Variants in LGALS16 observed in about 807,000 individuals in gnomAD.
The protein encoded by LGALS16 is galectin 16.
LGALS16 carries 15 observed loss-of-function variants against 13.2 expected under a neutral mutation model. That is an observed-to-expected ratio of 1.13 (90% CI 0.76 to 1.75). The LOEUF is 1.75. LGALS16 is among the 40% of genes most tolerant of loss of function. The probability of loss-of-function intolerance (pLI) is 0.00; values close to 1 mark genes in which losing one functional copy is unlikely to be tolerated. For synonymous variants in LGALS16, 66 were observed against 65.4 expected, an observed-to-expected ratio of 1.01 and a Z score of -0.05; for missense variants, 198 against 178.4, an observed-to-expected ratio of 1.11 and a Z score of -0.63.
chr19:39,659,212 G>A (rs777196889), intron 3 of LGALS16, among the ~76,000 whole-genome samples: 2 of 150,448 alleles, frequency 1.3e-5, no homozygotes, highest in African/African-American at 2.5e-5. Context: ...CGATTCTCTT[G>A]CCTTAGCCTC....
rs538420039 is a variant in LGALS16, at chr19:39,659,101, T to TC, written c.303+432dup. 7.3e-3 allele frequency among the ~76,000 whole-genome samples: 917 copies of TC among 125,310 alleles called. 4 individuals carry two copies. Among genetic ancestry groups the TC allele is most frequent in the Non-Finnish European group, 0.01 (597 of 58,874 alleles). 82.2% of individuals were successfully genotyped at this position (125,310 alleles called of 152,430 possible). A position where few individuals can be genotyped will look rare whatever the true frequency, so the allele number is the denominator to read the frequency against. On this transcript the variant is annotated intron_variant, in intron 3 of 3. Coordinates refer to ENST00000392051, the MANE Select transcript of LGALS16 (RefSeq NM_001190441.3). ...GCTCTCCTTCAGAGAGAATCCTTTT[T>TC]CTTTTTTTTTTTTTTTGAGACAGAG...
At chr19:39,659,571 G>A (rs764893349) in intron 3 of LGALS16, among the ~76,000 whole-genome samples, 8 of 152,116 alleles carry the variant, frequency 5.3e-5, no homozygotes, top group Non-Finnish European at 8.8e-5. Flanking sequence ...CATTGAAGTT[G>A]TTTCCAGTAT....
rs934153952 is a variant in LGALS16 at position 39,660,410 on chromosome 19, G to T, written c.319G>T (p.Glu107Ter). ...HNEYEVKVNG[E>*]YIYAFVHRIP... ...CCTCTTAAAGGTAAAGGTAAATGGT[G>T]AATACATTTATGCCTTTGTCCATCG... The change falls in exon 4 of 4, where the codon GAA (glutamate) becomes TAA (stop). Residue 107 changes from glutamate to a stop codon, truncating the protein, a stop_gained. Coordinates refer to ENST00000392051, the MANE Select transcript of LGALS16 (RefSeq NM_001190441.3). LOFTEE classifies it low-confidence loss of function (END_TRUNC). The T allele has an allele frequency of 3.2e-6, 5 of 1,540,424 alleles. No homozygotes were observed. The African/African-American group carries it at 5.5e-5, about 17-fold the overall frequency.
intron 3 of LGALS16, 59 bp downstream of exon 3, chr19:39,658,729 G>T: frequency 8.8e-7 from 1 of 1,139,656 alleles, no homozygotes; most frequent in Non-Finnish European, 1.3e-6. Context: ...GCAGGAGTCA[G>T]CTCTCATTGA....
chr19:39,658,001 G>T, intron 2 of LGALS16, 42 bp downstream of exon 2: 2 of 1,606,030 alleles, frequency 1.2e-6, no homozygotes, highest in Non-Finnish European at 1.7e-6. Context: ...GAGGAGAAAG[G>T]AGAATATTTG....
At chr19:39,659,811 T>G (rs1973239389) in intron 3 of LGALS16, among the ~76,000 whole-genome samples, 1 of 152,224 alleles carries the variant, frequency 6.6e-6, no homozygotes, top group Non-Finnish European at 1.5e-5. Context: ...GGCCAAAAGA[T>G]TCACATCTTA....
Position 39,658,627 on chromosome 19 carries a change from A to C in LGALS16, c.260A>C (p.Lys87Thr). 1.9e-6 allele frequency: 3 copies of C among 1,600,498 alleles called. No individual in the cohort carries two copies. Among genetic ancestry groups the C allele is most frequent in the Non-Finnish European group, 2.6e-6 (3 of 1,176,228 alleles). ...CACTATGTGCCCTTTGAGGATGGCA[A>C]ACCATTTGACTTGCGCATCTACGTG... is the stretch of plus-strand genomic sequence containing the variant. ...NLHYVPFEDG[K>T]PFDLRIYVCH... The change falls in exon 3 of 4, where the codon AAA (lysine) becomes ACA (threonine). Residue 87 changes from lysine to threonine, a missense_variant. Lys to Thr is a moderately conservative substitution (Grantham distance 78). Transcript: ENST00000392051.
At chr19:39,658,784 C>T in intron 3 of LGALS16, 114 bp downstream of exon 3, 3 of 685,842 alleles carry the variant, frequency 4.4e-6, no homozygotes, top group Non-Finnish European at 7.6e-6. Flanking sequence ...GTAACTACCC[C>T]TGCCCCAGGT....
At chr19:39,658,366 C>A (rs1234761038) in intron 2 of LGALS16, 94 bp from the exon 3 acceptor site, 2 of 1,100,710 alleles carry the variant, frequency 1.8e-6, no homozygotes, top group Non-Finnish European at 2.6e-6. Context: ...AGAATTTTAC[C>A]CTGGGTAAAT....
intron 3 of LGALS16, 90 bp downstream of exon 3, chr19:39,658,760 A>C: frequency 1.2e-6 from 1 of 805,670 alleles, no homozygotes; most frequent in Non-Finnish European, 2.0e-6. Context: ...CCAGTCCCTC[A>C]GGGCCCATCT....
intron 3 of LGALS16, 57 bp downstream of exon 3, chr19:39,658,727 C>A: frequency 2.6e-6 from 3 of 1,160,348 alleles, no homozygotes; most frequent in South Asian, 2.6e-5. Flanking sequence ...GAGCAGGAGT[C>A]AGCTCTCATT....
In LGALS16 at chr19:39,660,533, T is replaced by A; in HGVS notation, c.*13T>A. 6.5e-7 allele frequency: 1 copy of A among 1,548,818 alleles called. No individual in the cohort carries two copies. Among genetic ancestry groups the A allele is most frequent in the Non-Finnish European group, 8.7e-7 (1 of 1,151,756 alleles). On this transcript the variant is annotated 3_prime_UTR_variant, in exon 4 of 4. Transcript: ENST00000392051. ...TGGACGGAGATGATCACACTCCTCA[T>A]TGTTGAGGAAACCCTCTTTCTACCT...
At position 39,657,923 on chromosome 19, in the gene LGALS16, G is replaced by A; in HGVS notation, c.56G>A (p.Cys19Tyr). 1 of 1,614,030 alleles carries A rather than the reference G, an allele frequency of 6.2e-7. No individual in the cohort carries two copies. Among genetic ancestry groups the A allele is most frequent in the Non-Finnish European group, 8.5e-7 (1 of 1,180,012 alleles). ...CCTGTGTCTTTGTCTGTTGGTTCCT[G>A]CGTGATAATCAAAGGGACACTGATC... ...KLPVSLSVGS[C>Y]VIIKGTLIDS... Residue 19 changes from cysteine (C) to tyrosine (Y), a missense_variant, in exon 2 of 4, where the codon TGC (cysteine) becomes TAC (tyrosine). Cys to Tyr is a radical substitution (Grantham distance 194). Coordinates refer to ENST00000392051, the MANE Select transcript of LGALS16 (RefSeq NM_001190441.3).
intron 2 of LGALS16, 116 bp from the exon 3 acceptor site, chr19:39,658,344 G>A: frequency 1.1e-6 from 1 of 880,638 alleles, no homozygotes; most frequent in Non-Finnish European, 1.8e-6. Context: ...CAGGCCTGCA[G>A]TATCATCAGA....
chr19:39,659,029 C>A (rs374668904), intron 3 of LGALS16, among the ~76,000 whole-genome samples: 10 of 152,024 alleles, frequency 6.6e-5, no homozygotes, highest in African/African-American at 2.2e-4. Context: ...CTTCGTCTCA[C>A]TTTTGGGCCC....
At position 39,658,667 on chromosome 19, in the gene LGALS16, T is replaced by A; in HGVS notation, c.300T>A (p.Tyr100Ter). The change falls in exon 3 of 4, where the codon TAT (tyrosine) becomes TAA (stop). Residue 100 changes from tyrosine (Y) to a stop codon, truncating the protein, a stop_gained. Coordinates refer to ENST00000392051, the MANE Select transcript of LGALS16 (RefSeq NM_001190441.3). LOFTEE classifies it low-confidence loss of function (END_TRUNC). ...DLRIYVCHNE[Y>*]EVKVNGEYIY... ...GCATCTACGTGTGTCACAATGAGTA[T>A]GAGGTGAGCACCCCAGGAGCTCGCA... 1 of 1,568,482 alleles carries A rather than the reference T, an allele frequency of 6.4e-7. No individual in the cohort carries two copies. Among genetic ancestry groups the A allele is most frequent in the Non-Finnish European group, 8.6e-7 (1 of 1,160,214 alleles).
intron 3 of LGALS16, among the ~76,000 whole-genome samples, chr19:39,659,200 A>G (rs1306281400): frequency 6.6e-6 from 1 of 151,818 alleles, no homozygotes. Context: ...CCCAGATTCA[A>G]GCGATTCTCT....
intron 2 of LGALS16, 27 bp from the exon 3 acceptor site, chr19:39,658,433 C>G (rs1202981981): frequency 6.4e-7 from 1 of 1,555,474 alleles, no homozygotes; most frequent in Admixed American, 1.9e-5. Flanking sequence ...AGGAACCTGT[C>G]CAATATGCTG....
At chr19:39,656,391 T>C (rs1230406993) in intron 1 of LGALS16, among the ~76,000 whole-genome samples, 2 of 152,090 alleles carry the variant, frequency 1.3e-5, no homozygotes, top group Non-Finnish European at 2.9e-5. Flanking sequence ...AGCAGGTGTG[T>C]GTAACTCAGT....
Sources: gnomAD v4.1 joint callset for allele counts (sites outside exome capture counted in the v4.1 genomes callset) on GRCh38, gnomAD v4.1.1 for gene constraint, MANE v1.5 for transcripts, NCBI Gene and HGNC (gene_info 2026-07-23, HGNC 2026-07-21) for gene names.